The following ZDHHC1 variants were observed in gnomAD, a reference collection of about 807,000 sequenced individuals.
ZDHHC1 encodes the protein zDHHC palmitoyltransferase 1, also known as palmitoyltransferase ZDHHC1.
A neutral mutation model predicts 46.9 loss-of-function variants in ZDHHC1; 45 were observed. That is an observed-to-expected ratio of 0.96 (90% CI 0.76 to 1.23). The LOEUF is 1.23. ZDHHC1 is among the 50% of genes most tolerant of loss of function. ZDHHC1 has a pLI of 0.00. For synonymous variants in ZDHHC1, 291 were observed against 286.0 expected (o/e 1.02, Z -0.18); for missense variants, 649 against 670.8 (o/e 0.97, Z 0.36).
rs2040375127 is a variant in ZDHHC1, at chr16:67,394,494, G to A, written c.*116C>T. 5.4e-6 allele frequency: 5 copies of A among 924,084 alleles called. No individual in the cohort carries two copies. Among genetic ancestry groups the A allele is most frequent in the South Asian group, 5.3e-5 (1 of 18,848 alleles). 57.2% of individuals were successfully genotyped at this position (924,084 alleles called of 1,614,324 possible). A position where few individuals can be genotyped will look rare whatever the true frequency, so the allele number is the denominator to read the frequency against. On this transcript the variant is annotated 3_prime_UTR_variant, in exon 12 of 12. Transcript: ENST00000565726. ...GTATTGCTGAGTCGTGGGGGAGGGAGGCCGATCCCGCCGGCCGTAGGGGCC... is the reference window on the plus strand; with the variant it reads ...GTATTGCTGAGTCGTGGGGGAGGGAAGCCGATCCCGCCGGCCGTAGGGGCC...
In ZDHHC1 at chr16:67,401,106, G is replaced by A; in HGVS notation, c.279C>T (p.His93=). ...AGACGGCGGTCAGGTGCACCACAAG[G>A]TGGCCAGCAAAGATGGCGCCCATGC... ...YACMGAIFAG[H]LVVHLTAVSI... The change falls in exon 4 of 12, where the codon CAC becomes CAT. Residue 93 remains histidine, a synonymous_variant. Coordinates refer to ENST00000565726, the MANE Select transcript of ZDHHC1 (RefSeq NM_001323627.2). This position sits in a 1 kb window ranked among gnomAD's most constrained non-coding sequence, Gnocchi z 4.6. 6.2e-7 allele frequency: 1 copy of A among 1,614,050 alleles called. No homozygotes were observed. Among genetic ancestry groups the A allele is most frequent in the Non-Finnish European group, 8.5e-7 (1 of 1,180,018 alleles).
intron 1 of ZDHHC1, among the ~76,000 whole-genome samples, chr16:67,409,354 T>TGATACTCCAAATCAGGATACCCCC (rs1401007969): frequency 6.6e-6 from 1 of 152,132 alleles, no homozygotes. Context: ...GGATACCCCC[T>TGATACTCCAAATCAGGATACCCCC]GATACTCCAA....
intron 8 of ZDHHC1, among the ~76,000 whole-genome samples, chr16:67,397,638 AC>A (rs2142225857): frequency 6.6e-6 from 1 of 151,686 alleles, no homozygotes; most frequent in Non-Finnish European, 1.5e-5. Context: ...CGACTGGATC[AC>A]CCCCACCCCA....
At chr16:67,413,938 C>CAAAAA (rs974752448) in intron 1 of ZDHHC1, among the ~76,000 whole-genome samples, 7 of 61,930 alleles carry the variant, frequency 1.1e-4, no homozygotes, top group Non-Finnish European at 1.8e-4. Flanking sequence ...GACTCCGTCT[C>CAAAAA]AAAAAAAAAA....
In ZDHHC1 at chr16:67,401,183, C is replaced by T; in HGVS notation, c.253-51G>A. On this transcript the variant is annotated intron_variant, in intron 3 of 11. Transcript: ENST00000565726. The surrounding 1 kb of genome is among the most constrained non-coding windows in gnomAD (Gnocchi z 4.6). ...TCCACTCTGCCGGCTGGGAGTCCTG[C>T]CCCGTTCCTTGCAGCCAGAGAACTC... 2 of 1,593,050 alleles carry T rather than the reference C, an allele frequency of 1.3e-6. No individual in the cohort carries two copies. The highest frequency in any genetic ancestry group is 2.2e-5 in the East Asian group (1 of 44,700).
In ZDHHC1 at chr16:67,396,867, C is replaced by G. The variant is rs557101923; in HGVS notation, c.928-1301G>C. 2.5e-3 allele frequency among the ~76,000 whole-genome samples: 384 copies of G among 152,304 alleles called. 2 individuals carry two copies. Among genetic ancestry groups the G allele is most frequent in the Non-Finnish European group, 3.6e-3 (242 of 68,014 alleles). On this transcript the variant is annotated intron_variant, in intron 8 of 11. Transcript: ENST00000565726. ...GAGGGGGGAGCAGAGGAGGGGCCAG[C>G]AGTAGAGGAGGTCTCAGAAGCTGAG...
At chr16:67,395,621 G>C (rs1189475054) in intron 8 of ZDHHC1, 55 bp from the exon 9 acceptor site, 3 of 1,517,784 alleles carry the variant, frequency 2.0e-6, no homozygotes, top group Non-Finnish European at 2.7e-6. Flanking sequence ...TCCCGAGCCT[G>C]CTGAGCCCTA....
intron 1 of ZDHHC1, among the ~76,000 whole-genome samples, chr16:67,412,306 T>A (rs564364918): frequency 2.6e-5 from 4 of 151,866 alleles, no homozygotes; most frequent in East Asian, 1.9e-4. Flanking sequence ...ATATATATAT[T>A]TTTATCATGA....
In ZDHHC1 at chr16:67,406,537, G is replaced by A. The variant is rs529100810; in HGVS notation, c.10-95C>T. The A allele has an allele frequency of 7.1e-7, 1 of 1,404,126 alleles. No individual in the cohort carries two copies. The highest frequency in any genetic ancestry group is 2.5e-5 in the East Asian group (1 of 39,238). The allele number at this position is 1,404,126 out of a possible 1,614,324, so 87.0% of individuals were successfully genotyped here. ...GCAGCCAAGTTTCAGCACAGGGGGAGTAGGCTGCGACAGCTACTCTGCTGG... is the reference window on the plus strand; with the variant it reads ...GCAGCCAAGTTTCAGCACAGGGGGAATAGGCTGCGACAGCTACTCTGCTGG... On this transcript the variant is annotated intron_variant, in intron 2 of 11. Transcript: ENST00000565726. This position sits in a 1 kb window ranked among gnomAD's most constrained non-coding sequence, Gnocchi z 4.1.
intron 8 of ZDHHC1, chr16:67,396,204 C>T (rs2142222134): frequency 6.6e-6 from 1 of 152,510 alleles, no homozygotes; most frequent in Middle Eastern, 3.4e-3. Context: ...GACGCGACCC[C>T]TGAGAGCAAA....
rs546017185 is a variant in ZDHHC1 at position 67,404,320 on chromosome 16, T to G, written c.252+1880A>C. The G allele has an allele frequency of 2.1e-5, 4 of 193,084 alleles. No individual in the cohort carries two copies. The South Asian group carries it at 4.2e-4, about 20-fold the overall frequency. 12.0% of individuals were successfully genotyped at this position (193,084 alleles called of 1,614,324 possible). A position where few individuals can be genotyped will look rare whatever the true frequency, so the allele number is the denominator to read the frequency against. On this transcript the variant is annotated intron_variant, in intron 3 of 11. Transcript: ENST00000565726. ...CCCTCACAGTCTGCTGCACTTACCA[T>G]GTGGCGTGATCACCACGTGGCGTGC...
intron 1 of ZDHHC1, among the ~76,000 whole-genome samples, chr16:67,409,154 G>C (rs959085530): frequency 7.9e-5 from 12 of 152,162 alleles, no homozygotes; most frequent in Non-Finnish European, 1.8e-4. Flanking sequence ...TGAGGCAGGA[G>C]GAGTCACCAT....
rs1389907506 is a variant in ZDHHC1, at chr16:67,395,545, T to C, written c.949A>G (p.Thr317Ala). Residue 317 changes from threonine (T) to alanine (A), a missense_variant, in exon 9 of 12, where the codon ACC becomes GCC. Coordinates refer to ENST00000565726, the MANE Select transcript of ZDHHC1 (RefSeq NM_001323627.2). The stretch of plus-strand genomic sequence containing the variant: ...GGCTCTGGGCGCATATGTCTGAAGG[T>C]CCGCATGTAGAACTCCATCTCCTGG... Reference protein sequence around the residue: ...PIQEMEFYMRTFRHMRPEPPG... With the variant: ...PIQEMEFYMRAFRHMRPEPPG... The C allele has an allele frequency of 1.3e-6, 2 of 1,554,364 alleles. No homozygotes were observed. Among genetic ancestry groups the C allele is most frequent in the Non-Finnish European group, 1.7e-6 (2 of 1,148,310 alleles).
chr16:67,398,992 A>AG, intron 5 of ZDHHC1, 48 bp from the exon 6 acceptor site: 1 of 1,596,452 alleles, frequency 6.3e-7, no homozygotes, highest in Non-Finnish European at 8.5e-7. Flanking sequence ...CTCCAGCCTC[A>AG]GAAGGCCCAT....
At chr16:67,409,947 G>T (rs993784801) in intron 1 of ZDHHC1, among the ~76,000 whole-genome samples, 2 of 132,064 alleles carry the variant, frequency 1.5e-5, no homozygotes, top group South Asian at 4.8e-4. Context: ...GCAAGGGCCA[G>T]CCATCCAATG....
chr16:67,415,683 G>A (rs563525605), intron 1 of ZDHHC1, among the ~76,000 whole-genome samples: 383 of 151,920 alleles, frequency 2.5e-3, no homozygotes, highest in Non-Finnish European at 4.1e-3. Flanking sequence ...CTTGAACCCG[G>A]GAGGCGGAGG....
At chr16:67,403,581 G>A (rs1056901172) in intron 3 of ZDHHC1, among the ~76,000 whole-genome samples, 21 of 151,870 alleles carry the variant, frequency 1.4e-4, no homozygotes, top group African/African-American at 5.1e-4. Context: ...GCGGAGCCTT[G>A]ACGCCATGTT....
rs565161222 is a variant in ZDHHC1 at position 67,409,423 on chromosome 16, G to C, written c.-38-1610C>G. Among the ~76,000 whole-genome samples the C allele has an allele frequency of 1.6e-4, 25 of 152,368 alleles. No homozygotes were observed. The South Asian group carries it at 2.5e-3, about 15-fold the overall frequency. On this transcript the variant is annotated intron_variant, in intron 1 of 11. Coordinates refer to ENST00000565726, the MANE Select transcript of ZDHHC1 (RefSeq NM_001323627.2). ...AGGAAGGGAGCACTTGTCTGAGGCT[G>C]TGGATGTGGGGATGGTGCTGCCAGG... is the stretch of plus-strand genomic sequence containing the variant.
rs1290434137 is a variant in ZDHHC1, at chr16:67,401,753, C to A, written c.253-621G>T. 6.6e-6 allele frequency among the ~76,000 whole-genome samples: 1 copy of A among 152,186 alleles called. No homozygotes were observed. Among genetic ancestry groups the A allele is most frequent in the Non-Finnish European group, 1.5e-5 (1 of 68,040 alleles). ...ATGTTCAGGGCCTGGCCAGGGACAG[C>A]ATGGCTAGTCTCTGAAGCTGAAACA... On this transcript the variant is annotated intron_variant, in intron 3 of 11. Coordinates refer to ENST00000565726, the MANE Select transcript of ZDHHC1 (RefSeq NM_001323627.2). The surrounding 1 kb of genome is among the most constrained non-coding windows in gnomAD (Gnocchi z 4.6).
Sources: gnomAD v4.1 joint callset for allele counts (sites outside exome capture counted in the v4.1 genomes callset) on GRCh38, gnomAD v4.1.1 for gene constraint, Gnocchi (gnomAD v3.1) non-coding constraint, MANE v1.5 for transcripts, NCBI Gene and HGNC (gene_info 2026-07-23, HGNC 2026-07-21) for gene names.